NRG3: variants seen among roughly 807,000 people sequenced by gnomAD.
NRG3 encodes pro-neuregulin-3, membrane-bound isoform.
Under a neutral mutation model 66.9 loss-of-function variants are expected in NRG3, and 31 were observed. The ratio of observed to expected loss-of-function variants is 0.46; its 90% confidence interval spans 0.35 to 0.63. NRG3 has a LOEUF of 0.63. Among genes scored for constraint, NRG3 ranks in the 20% least tolerant of loss-of-function variants. NRG3 has a pLI of 0.00. For missense variants in NRG3, 910 were observed against 878.9 expected, an observed-to-expected ratio of 1.04 and a Z score of -0.45; for synonymous variants, 393 against 359.4, an observed-to-expected ratio of 1.09 and a Z score of -1.06.
At chr10:82,132,357 G>A (rs1363560463) in intron 1 of NRG3, among the ~76,000 whole-genome samples, 2 of 149,116 alleles carry the variant, frequency 1.3e-5, no homozygotes, top group Non-Finnish European at 3.0e-5. Flanking sequence ...TGCATATGTT[G>A]AACCATCTTT....
intron 3 of NRG3, among the ~76,000 whole-genome samples, chr10:82,857,679 A>G (rs1354881130): frequency 6.6e-6 from 1 of 152,256 alleles, no homozygotes; most frequent in Non-Finnish European, 1.5e-5. Context: ...AATTACTTCT[A>G]AGAGATATTG....
intron 3 of NRG3, among the ~76,000 whole-genome samples, chr10:82,749,200 A>G (rs1219638354): frequency 6.6e-6 from 1 of 152,062 alleles, no homozygotes; most frequent in Non-Finnish European, 1.5e-5. Flanking sequence ...TTGCTGAGAC[A>G]TGCCCTGAGG....
Position 82,202,619 on chromosome 10 carries a change from A to G in NRG3, c.824-156120A>G, listed in dbSNP as rs546728535. Reference sequence around the variant, plus strand: ...TTGCCTATGTATTTCTACACAGATCAAAGCTTTTCCTGTGGTCGGAATGCT... The same window carrying G: ...TTGCCTATGTATTTCTACACAGATCGAAGCTTTTCCTGTGGTCGGAATGCT... On this transcript the variant is annotated intron_variant, in intron 1 of 8. Coordinates refer to ENST00000372141, the MANE Select transcript of NRG3 (RefSeq NM_001010848.4). Among the ~76,000 whole-genome samples, 76 of 152,212 alleles carry G rather than the reference A, an allele frequency of 5.0e-4. 1 individual carries two copies. Among genetic ancestry groups the G allele is most frequent in the Non-Finnish European group, 9.0e-4 (61 of 68,044 alleles).
chr10:82,049,052 A>G (rs1039711497), intron 1 of NRG3, among the ~76,000 whole-genome samples: 1 of 152,158 alleles, frequency 6.6e-6, no homozygotes, highest in Non-Finnish European at 1.5e-5. Context: ...AACCAGGAAG[A>G]AGTTGAATCT....
intron 3 of NRG3, among the ~76,000 whole-genome samples, chr10:82,825,470 T>C (rs1438863425): frequency 5.9e-5 from 9 of 152,240 alleles, no homozygotes; most frequent in Admixed American, 1.3e-4. Flanking sequence ...AGATTATTCA[T>C]AGAAGTACAG....
intron 2 of NRG3, among the ~76,000 whole-genome samples, chr10:82,473,943 G>T (rs533716507): frequency 2.6e-5 from 4 of 152,244 alleles, no homozygotes; most frequent in African/African-American, 9.6e-5. Flanking sequence ...CAGAGGAGAA[G>T]TAGGGGTGTG....
chr10:82,888,572 T>C lies in NRG3; in HGVS notation c.1054+23135T>C, dbSNP rs553525664. 9.2e-5 allele frequency among the ~76,000 whole-genome samples: 14 copies of C among 152,252 alleles called. No homozygotes were observed. In the East Asian group the frequency reaches 1.9e-3, roughly 21 times the overall value. On this transcript the variant is annotated intron_variant, in intron 4 of 8. Coordinates refer to ENST00000372141, the MANE Select transcript of NRG3 (RefSeq NM_001010848.4). The stretch of plus-strand genomic sequence containing the variant: ...TGGGAAATGCTTATTCATTTACTTA[T>C]TAACAAAAGCGTATGAGCACTTACT...
chr10:82,004,582 A>G (rs1191807754), intron 1 of NRG3, among the ~76,000 whole-genome samples: 1 of 152,222 alleles, frequency 6.6e-6, no homozygotes, highest in Non-Finnish European at 1.5e-5. Flanking sequence ...ATTTGACATC[A>G]GCACTGGGCT....
intron 1 of NRG3, among the ~76,000 whole-genome samples, chr10:82,030,031 C>G (rs537371436): frequency 6.6e-6 from 1 of 152,026 alleles, no homozygotes; most frequent in African/African-American, 2.4e-5. Flanking sequence ...GAGTTGAAAT[C>G]GTAAGGGGAA....
At chr10:82,229,419 G>A (rs1165063239) in intron 1 of NRG3, among the ~76,000 whole-genome samples, 1 of 152,132 alleles carries the variant, frequency 6.6e-6, no homozygotes, top group Non-Finnish European at 1.5e-5. Flanking sequence ...AAGAAATATA[G>A]CAAGGAAATA....
At chr10:82,235,806 C>G (rs550531579) in intron 1 of NRG3, among the ~76,000 whole-genome samples, 1 of 152,284 alleles carries the variant, frequency 6.6e-6, no homozygotes, top group Admixed American at 6.5e-5. Flanking sequence ...TTTTGCTGAC[C>G]TGGAAAGTTG....
intron 3 of NRG3, among the ~76,000 whole-genome samples, chr10:82,778,723 G>C (rs1591494655): frequency 6.6e-6 from 1 of 152,044 alleles, no homozygotes; most frequent in African/African-American, 2.4e-5. Context: ...AGGAGTGTCT[G>C]GTCCTTTGGT....
At chr10:82,030,903 C>G (rs1044540041) in intron 1 of NRG3, among the ~76,000 whole-genome samples, 1 of 151,974 alleles carries the variant, frequency 6.6e-6, no homozygotes, top group Non-Finnish European at 1.5e-5. Flanking sequence ...AGGAGATTAC[C>G]TGATTAGAGA....
intron 3 of NRG3, among the ~76,000 whole-genome samples, chr10:82,840,472 A>G (rs571430803): frequency 3.9e-5 from 6 of 152,298 alleles, no homozygotes; most frequent in Non-Finnish European, 5.9e-5. Context: ...AATCAATGAC[A>G]TCATAATTCA....
intron 3 of NRG3, among the ~76,000 whole-genome samples, chr10:82,844,423 A>C (rs1257289666): frequency 6.6e-6 from 1 of 152,178 alleles, no homozygotes; most frequent in Non-Finnish European, 1.5e-5. Flanking sequence ...CCTTGTTATC[A>C]CTGATGCAAT....
At chr10:82,860,408 C>G (rs1181522763) in intron 3 of NRG3, among the ~76,000 whole-genome samples, 3 of 152,164 alleles carry the variant, frequency 2.0e-5, no homozygotes, top group Non-Finnish European at 2.9e-5. Flanking sequence ...TTAGCTTTTT[C>G]TTTATAGGAA....
chr10:82,194,458 C>T (rs1432868732), intron 1 of NRG3, among the ~76,000 whole-genome samples: 1 of 152,062 alleles, frequency 6.6e-6, no homozygotes, highest in Non-Finnish European at 1.5e-5. Context: ...AGAGTATAAG[C>T]AAAGAGGCTG....
intron 2 of NRG3, among the ~76,000 whole-genome samples, chr10:82,635,380 T>C (rs1448418865): frequency 6.6e-6 from 1 of 152,170 alleles, no homozygotes; most frequent in Non-Finnish European, 1.5e-5. Flanking sequence ...CTTCTTTAGC[T>C]TCTTTTCTTA....
intron 4 of NRG3, among the ~76,000 whole-genome samples, chr10:82,902,439 G>T (rs1844321026): frequency 6.6e-6 from 1 of 151,928 alleles, no homozygotes; most frequent in Non-Finnish European, 1.5e-5. Context: ...TAGTCAAGGG[G>T]TCTTTTGTCT....
Sources: allele counts gnomAD v4.1 joint callset (sites outside exome capture counted in the v4.1 genomes callset), GRCh38; gene constraint gnomAD v4.1.1; transcripts MANE v1.5; gene names NCBI Gene and HGNC (gene_info 2026-07-23, HGNC 2026-07-21).